The following ZER1 variants were observed in gnomAD, a reference collection of about 807,000 sequenced individuals.
ZER1 encodes the protein protein zer-1 homolog.
ZER1 carries 11 observed loss-of-function variants against 78.8 expected under a neutral mutation model. The ratio of observed to expected loss-of-function variants is 0.14; its 90% CI spans 0.09 to 0.23. The LOEUF (loss-of-function observed/expected upper bound fraction) is 0.23, where lower values mean the gene tolerates loss of function less well. ZER1 is among the 10% of genes least tolerant of loss of function. The pLI, the probability that ZER1 is intolerant of heterozygous loss-of-function variation, is 1.00. For missense variants in ZER1, 588 were observed against 996.9 expected, an observed-to-expected ratio of 0.59 and a Z score of 5.52; for synonymous variants, 400 against 407.0, an observed-to-expected ratio of 0.98 and a Z score of 0.21.
In ZER1 at chr9:128,751,252, T is replaced by C; in HGVS notation, c.1055A>G (p.Asn352Ser). Residue 352 changes from asparagine (N) to serine (S), a missense_variant, in exon 7 of 16, where the codon AAC (asparagine) becomes AGC (serine). This residue lies in a region of ZER1 where 406 missense variants were observed against 660.1 expected (regional missense o/e 0.62). Coordinates refer to ENST00000291900, the MANE Select transcript of ZER1 (RefSeq NM_006336.4). The surrounding 1 kb of genome is among the most constrained non-coding windows in gnomAD (Gnocchi z 5.4). ...IPAYKVSGDK[N>S]EEQVLNAIEA... ...GATGGCATTCAGCACCTGCTCTTCGTTTTTGTCACCACTTACCTGCGGGTG... is the reference window on the plus strand; with the variant it reads ...GATGGCATTCAGCACCTGCTCTTCGCTTTTGTCACCACTTACCTGCGGGTG... 1 of 1,598,628 alleles carries C rather than the reference T, an allele frequency of 6.3e-7. No individual in the cohort carries two copies. Among genetic ancestry groups the C allele is most frequent in the Non-Finnish European group, 8.6e-7 (1 of 1,167,268 alleles).
At position 128,732,258 on chromosome 9, in the gene ZER1, T is replaced by C. The variant is rs933194952; in HGVS notation, c.2244-864A>G. Among the ~76,000 whole-genome samples the C allele has an allele frequency of 3.3e-5, 5 of 152,216 alleles. No individual in the cohort carries two copies. The highest frequency in any genetic ancestry group is 1.2e-4 in the African/African-American group (5 of 41,454). On this transcript the variant is annotated intron_variant, in intron 15 of 15. Transcript: ENST00000291900. The surrounding 1 kb of genome is among the most constrained non-coding windows in gnomAD (Gnocchi z 4.8). ...TAGGTAACTGGTCAGTCTTACCCAG[T>C]GCTTCTCAAATTTCCCGGGAATCCT...
At chr9:128,735,498 G>A in intron 13 of ZER1, 67 bp from the exon 14 acceptor site, 1 of 1,475,378 alleles carries the variant, frequency 6.8e-7, no homozygotes. Context: ...TCTTGTCTGA[G>A]GTTTCCTCCC....
In ZER1 at chr9:128,753,708, C is replaced by T. The variant is rs567118277; in HGVS notation, c.309+101G>A. 1.5e-5 allele frequency: 23 copies of T among 1,559,432 alleles called. No homozygotes were observed. The Admixed American group carries it at 1.7e-4, about 11-fold the overall frequency. The stretch of plus-strand genomic sequence containing the variant: ...TTGGAAAGGGGGATGTGCACAGTCA[C>T]GGTGCACACTGGCTGGGCTGGGGAT... On this transcript the variant is annotated intron_variant, in intron 3 of 15. Transcript: ENST00000291900. The surrounding 1 kb of genome is among the most constrained non-coding windows in gnomAD (Gnocchi z 7.5).
rs1348070822 is a variant in ZER1, at chr9:128,742,606, A to C, written c.1499T>G (p.Val500Gly). The change falls in exon 9 of 16, where the codon GTG (valine) becomes GGG (glycine). Residue 500 changes from valine (V) to glycine (G), a missense_variant. By Grantham distance (109) the Val-to-Gly change is moderately radical. Coordinates refer to ENST00000291900, the MANE Select transcript of ZER1 (RefSeq NM_006336.4). ...GCAGACCAGGGCATTGCACAGGTGC[A>C]CGGCGATCCGCTGGATAGACTCGTC... is the stretch of plus-strand genomic sequence containing the variant. The part of the protein sequence containing the change: ...RQDESIQRIA[V>G]HLCNALVCQV... 6.2e-7 allele frequency: 1 copy of C among 1,614,230 alleles called. No individual in the cohort carries two copies. Among genetic ancestry groups the C allele is most frequent in the Non-Finnish European group, 8.5e-7 (1 of 1,180,046 alleles).
In ZER1 at chr9:128,736,672, CT is replaced by C. The variant is rs777824240; in HGVS notation, c.2043-1242del. 7.2e-3 allele frequency among the ~76,000 whole-genome samples: 931 copies of C among 129,168 alleles called. 4 individuals carry two copies. Among genetic ancestry groups the C allele is most frequent in the South Asian group, 0.02 (81 of 4,108 alleles). 84.7% of individuals were successfully genotyped at this position (129,168 alleles called of 152,430 possible). ...ACAGGCGTGAGCCACCATGCCTGGC[CT>C]TTTTTTTTTTTTTTTTGGAGAAAGG... is the stretch of plus-strand genomic sequence containing the variant. On this transcript the variant is annotated intron_variant, in intron 13 of 15. Transcript: ENST00000291900.
chr9:128,755,116 T>G lies in ZER1; in HGVS notation c.158+292A>C, dbSNP rs1341149464. Among the ~76,000 whole-genome samples, 4 of 152,176 alleles carry G rather than the reference T, an allele frequency of 2.6e-5. No individual in the cohort carries two copies. The East Asian group carries it at 7.7e-4, about 29-fold the overall frequency. On this transcript the variant is annotated intron_variant, in intron 2 of 15. Transcript: ENST00000291900. This position sits in a 1 kb window ranked among gnomAD's most constrained non-coding sequence, Gnocchi z 5.6. ...ACAATCACATCTCTAAATGCACACA[T>G]GCAGTTTCACAGTCAGAAATAACCT...
chr9:128,753,628 T>C lies in ZER1; in HGVS notation c.310-28A>G, dbSNP rs1320378327. On this transcript the variant is annotated intron_variant, in intron 3 of 15. Coordinates refer to ENST00000291900, the MANE Select transcript of ZER1 (RefSeq NM_006336.4). The surrounding 1 kb of genome is among the most constrained non-coding windows in gnomAD (Gnocchi z 7.5). The stretch of plus-strand genomic sequence containing the variant: ...GGGAGTGGGCACAGCTCCATCATCA[T>C]CACCACCCTTGCCCCTTCCCCCGGC... 3.1e-6 allele frequency: 5 copies of C among 1,606,288 alleles called. No homozygotes were observed. Among genetic ancestry groups the C allele is most frequent in the Non-Finnish European group, 4.3e-6 (5 of 1,176,130 alleles).
rs764384961 is a variant in ZER1, at chr9:128,740,025, C to T, written c.1948G>A (p.Gly650Ser). 3.1e-6 allele frequency: 5 copies of T among 1,613,948 alleles called. No homozygotes were observed. Among genetic ancestry groups the T allele is most frequent in the Non-Finnish European group, 2.5e-6 (3 of 1,179,984 alleles). ...HIMFDGPEAW[G>S]VCEPQREEVE... ...TCCTCACGCTGGGGCTCACAGACGC[C>T]CCAGGCCTCGGGTCCATCAAACATG... Residue 650 changes from glycine (G) to serine (S), a missense_variant, in exon 13 of 16, where the codon GGC becomes AGC. This residue lies in a region of ZER1 where 122 missense variants were observed against 173.5 expected (regional missense o/e 0.70). Coordinates refer to ENST00000291900, the MANE Select transcript of ZER1 (RefSeq NM_006336.4). The surrounding 1 kb of genome is among the most constrained non-coding windows in gnomAD (Gnocchi z 4.4).
intron 11 of ZER1, 43 bp downstream of exon 11, chr9:128,741,492 G>C (rs574145746): frequency 6.2e-7 from 1 of 1,613,734 alleles, no homozygotes; most frequent in African/African-American, 1.3e-5. Context: ...GAGGGGCCAT[G>C]TGGGCAGCTG....
intron 1 of ZER1, among the ~76,000 whole-genome samples, chr9:128,756,752 T>C (rs1288128932): frequency 6.6e-6 from 1 of 152,178 alleles, no homozygotes; most frequent in Non-Finnish European, 1.5e-5. Flanking sequence ...TAACTGCCAG[T>C]GTGTATGGAG....
At chr9:128,757,630 G>T (rs1462179470) in intron 1 of ZER1, among the ~76,000 whole-genome samples, 1 of 152,124 alleles carries the variant, frequency 6.6e-6, no homozygotes, top group African/African-American at 2.4e-5. Flanking sequence ...TTAGGGAAGT[G>T]CACAGTAAAG....
In ZER1 at chr9:128,753,071, TCCTG is replaced by T; in HGVS notation, c.746+89_746+92del. The T allele has an allele frequency of 7.4e-7, 1 of 1,345,168 alleles. No homozygotes were observed. Among genetic ancestry groups the T allele is most frequent in the South Asian group, 1.5e-5 (1 of 67,754 alleles). The allele number at this position is 1,345,168 out of a possible 1,614,324, so 83.3% of individuals were successfully genotyped here. On this transcript the variant is annotated intron_variant, in intron 4 of 15. Transcript: ENST00000291900. The surrounding 1 kb of genome is among the most constrained non-coding windows in gnomAD (Gnocchi z 7.5). The stretch of plus-strand genomic sequence containing the variant: ...CCCCACCCTCTGCCTAGCCAAGCGC[TCCTG>T]AACCCTGAGGGCGTGACAACACCCA...
intron 8 of ZER1, among the ~76,000 whole-genome samples, chr9:128,743,414 C>A (rs1411810363): frequency 6.6e-6 from 1 of 152,030 alleles, no homozygotes; most frequent in Non-Finnish European, 1.5e-5. Context: ...CTGCGCCCAG[C>A]CTTCTTTTAT....
intron 13 of ZER1, among the ~76,000 whole-genome samples, chr9:128,737,090 G>C (rs1331695595): frequency 6.6e-6 from 1 of 152,078 alleles, no homozygotes; most frequent in Non-Finnish European, 1.5e-5. Context: ...GTTGCAGTGA[G>C]CCAAGATCAC....
intron 1 of ZER1, among the ~76,000 whole-genome samples, chr9:128,764,582 C>G (rs1409424189): frequency 1.3e-5 from 2 of 152,198 alleles, no homozygotes; most frequent in Non-Finnish European, 2.9e-5. Flanking sequence ...GACCTTGCCA[C>G]TCAGGGCTGG....
At chr9:128,735,510 C>T (rs1863035932) in intron 13 of ZER1, 79 bp from the exon 14 acceptor site, 1 of 1,382,804 alleles carries the variant, frequency 7.2e-7, no homozygotes, top group South Asian at 1.3e-5. Context: ...TTTCCTCCCA[C>T]TGGAGAATCC....
chr9:128,751,571 C>G lies in ZER1; in HGVS notation c.924-44G>C. 1 of 1,562,196 alleles carries G rather than the reference C, an allele frequency of 6.4e-7. No individual in the cohort carries two copies. The stretch of plus-strand genomic sequence containing the variant: ...GGTGTCAGTGGCTTGGGACCCAGGC[C>G]TGAGCTGGGCCTCCCCACTGGGGGT... On this transcript the variant is annotated intron_variant, in intron 5 of 15. Transcript: ENST00000291900. This position sits in a 1 kb window ranked among gnomAD's most constrained non-coding sequence, Gnocchi z 5.4.
In ZER1 at chr9:128,753,652, G is replaced by A. The variant is rs765524231; in HGVS notation, c.310-52C>T. On this transcript the variant is annotated intron_variant, in intron 3 of 15. Transcript: ENST00000291900. The surrounding 1 kb of genome is among the most constrained non-coding windows in gnomAD (Gnocchi z 7.5). ...ATCACCACCCTTGCCCCTTCCCCCG[G>A]CCCCAGGCCTTGCCCTGGGCTACAG... The A allele has an allele frequency of 1.3e-6, 2 of 1,590,920 alleles. No individual in the cohort carries two copies. The highest frequency in any genetic ancestry group is 1.3e-5 in the African/African-American group (1 of 74,560).
chr9:128,751,002 T>C lies in ZER1; in HGVS notation c.1185+120A>G. 1 of 1,444,850 alleles carries C rather than the reference T, an allele frequency of 6.9e-7. No homozygotes were observed. The highest frequency in any genetic ancestry group is 2.4e-5 in the East Asian group (1 of 42,094). The allele number at this position is 1,444,850 out of a possible 1,614,324, so 89.5% of individuals were successfully genotyped here. On this transcript the variant is annotated intron_variant, in intron 7 of 15. Transcript: ENST00000291900. This position sits in a 1 kb window ranked among gnomAD's most constrained non-coding sequence, Gnocchi z 5.4. ...TGTGAGGCCCAGGCTGGGGTTCGGG[T>C]CCTGGGGCCCTGGGGACAGGGTGCA...
Sources: gnomAD v4.1 joint callset for allele counts (sites outside exome capture counted in the v4.1 genomes callset) on GRCh38, gnomAD v4.1.1 for gene constraint, gnomAD v4.1.1 regional missense constraint, Gnocchi (gnomAD v3.1) non-coding constraint, MANE v1.5 for transcripts, NCBI Gene and HGNC (gene_info 2026-07-23, HGNC 2026-07-21) for gene names.